The following LIPF variants were observed in gnomAD, a reference collection of about 807,000 sequenced individuals.
LIPF encodes lipase F, gastric type, also known as gastric triacylglycerol lipase.
A neutral mutation model predicts 38.0 loss-of-function variants in LIPF; 25 were observed. The ratio of observed to expected loss-of-function variants is 0.66; its 90% CI spans 0.48 to 0.92. The LOEUF (loss-of-function observed/expected upper bound fraction) is 0.92, where lower values mean the gene tolerates loss of function less well. LIPF is among the 40% of genes least tolerant of loss of function. The probability of loss-of-function intolerance (pLI) is 0.00; values close to 1 mark genes in which losing one functional copy is unlikely to be tolerated. For synonymous variants in LIPF, 161 were observed against 156.2 expected (o/e 1.03, Z -0.23); for missense variants, 410 against 469.9 (o/e 0.87, Z 1.18).
At chr10:88,665,111 T>A (rs976188392) in intron 1 of LIPF, among the ~76,000 whole-genome samples, 11 of 152,192 alleles carry the variant, frequency 7.2e-5, no homozygotes, top group Non-Finnish European at 1.5e-4. Flanking sequence ...TAGACTAGTT[T>A]AAAATATGGG....
Position 88,671,918 on chromosome 10 carries a change from A to G in LIPF, c.622A>G (p.Lys208Glu). 1 of 1,613,504 alleles carries G rather than the reference A, an allele frequency of 6.2e-7. No homozygotes were observed. Among genetic ancestry groups the G allele is most frequent in the Non-Finnish European group, 8.5e-7 (1 of 1,179,634 alleles). ...LAPVATVKYT[K>E]SLINKLRFVP... Reference sequence around the variant, plus strand: ...TCCTGTTGCCACTGTGAAGTATACAAAAAGCCTTATAAACAAACTTAGATT... The same window carrying G: ...TCCTGTTGCCACTGTGAAGTATACAGAAAGCCTTATAAACAAACTTAGATT... The change falls in exon 6 of 10, where the codon AAA becomes GAA. Residue 208 changes from lysine (K) to glutamate (E), a missense_variant. Lys to Glu is a moderately conservative substitution (Grantham distance 56). Transcript: ENST00000238983.
At chr10:88,670,873 G>A (rs1841585929) in intron 5 of LIPF, among the ~76,000 whole-genome samples, 1 of 152,164 alleles carries the variant, frequency 6.6e-6, no homozygotes, top group Non-Finnish European at 1.5e-5. Flanking sequence ...GAACCAATTA[G>A]AGGACTCTTA....
At chr10:88,675,488 C>T (rs774266279) in intron 7 of LIPF, 98 bp from the exon 8 acceptor site, 6 of 904,528 alleles carry the variant, frequency 6.6e-6, no homozygotes, top group African/African-American at 1.7e-5. Flanking sequence ...TACCTTTAAA[C>T]ACTTGACCTG....
chr10:88,669,544 C>T (rs182420730), intron 4 of LIPF: 1 of 238,378 alleles, frequency 4.2e-6, no homozygotes, highest in Non-Finnish European at 8.2e-6. Flanking sequence ...ACACAGCATA[C>T]ACATTATTAT....
In LIPF at chr10:88,671,844, C is replaced by T. The variant is rs763307316; in HGVS notation, c.548C>T (p.Ser183Phe). The T allele has an allele frequency of 3.7e-6, 6 of 1,611,724 alleles. No individual in the cohort carries two copies. Among genetic ancestry groups the T allele is most frequent in the Non-Finnish European group, 4.2e-6 (5 of 1,179,152 alleles). Residue 183 changes from serine (S) to phenylalanine (F), a missense_variant, in exon 6 of 10, where the codon TCC becomes TTC. Physicochemically the swap from Ser to Phe is radical, Grantham distance 155. Transcript: ENST00000238983. ...TCTTTTTCAGGTTTTATTGCCTTTT[C>T]CACCAATCCCAGCCTGGCTAAAAGA... ...QGTTIGFIAF[S>F]TNPSLAKRIK...
intron 6 of LIPF, among the ~76,000 whole-genome samples, chr10:88,672,666 A>ACTCTCTCTCTCT (rs1345269877): frequency 8.2e-6 from 1 of 121,878 alleles, no homozygotes; most frequent in Non-Finnish European, 1.7e-5. Flanking sequence ...ACACACACAC[A>ACTCTCTCTCTCT]CACACTCTCT....
chr10:88,669,401 C>T (rs1841561450), intron 4 of LIPF: 1 of 160,120 alleles, frequency 6.2e-6, no homozygotes, highest in Non-Finnish European at 1.4e-5. Flanking sequence ...GAGCCTTGGG[C>T]CTCATTCTGA....
intron 5 of LIPF, among the ~76,000 whole-genome samples, chr10:88,671,511 T>C (rs1841596012): frequency 6.6e-6 from 1 of 152,292 alleles, no homozygotes; most frequent in Admixed American, 6.5e-5. Flanking sequence ...ATAAAAAATA[T>C]AAATTCATAA....
chr10:88,669,042 A>T, intron 4 of LIPF: 1 of 331,368 alleles, frequency 3.0e-6, no homozygotes, highest in Non-Finnish European at 5.6e-6. Context: ...CCCCTGGAAA[A>T]TTCCAAAGGA....
At chr10:88,677,111 T>C (rs1841700936) in intron 9 of LIPF, among the ~76,000 whole-genome samples, 1 of 152,228 alleles carries the variant, frequency 6.6e-6, no homozygotes, top group Non-Finnish European at 1.5e-5. Flanking sequence ...TTTCCATGAC[T>C]TAAAATTTAG....
chr10:88,668,408 TCAC>T, intron 3 of LIPF, 147 bp from the exon 4 acceptor site: 4 of 695,712 alleles, frequency 5.7e-6, no homozygotes, highest in Non-Finnish European at 9.4e-6. Flanking sequence ...TGAGAAATCA[TCAC>T]CACAATTACG....
At chr10:88,674,315 C>T (rs1330404187) in intron 7 of LIPF, among the ~76,000 whole-genome samples, 1 of 152,108 alleles carries the variant, frequency 6.6e-6, no homozygotes, top group Non-Finnish European at 1.5e-5. Flanking sequence ...ACTACAGGCG[C>T]CCGCCACCAC....
intron 1 of LIPF, chr10:88,665,466 G>A: frequency 8.9e-7 from 1 of 1,127,468 alleles, no homozygotes; most frequent in Non-Finnish European, 1.3e-6. Context: ...GTTAATTACT[G>A]GTATTTTCCT....
At chr10:88,672,625 AACACAC>A (rs71471111) in intron 6 of LIPF, among the ~76,000 whole-genome samples, 350 of 130,954 alleles carry the variant, frequency 2.7e-3, no homozygotes, top group Non-Finnish European at 3.3e-3. Context: ...CAGTAAAACC[AACACAC>A]ACACACACAC....
intron 7 of LIPF, 60 bp from the exon 8 acceptor site, chr10:88,675,526 T>G: frequency 8.0e-7 from 1 of 1,255,118 alleles, no homozygotes; most frequent in South Asian, 1.2e-5. Context: ...CTTTACTGTT[T>G]TTAAGAAACT....
intron 8 of LIPF, among the ~76,000 whole-genome samples, chr10:88,675,926 G>A (rs532847011): frequency 8.1e-4 from 123 of 152,154 alleles, no homozygotes; most frequent in Middle Eastern, 3.4e-3. Flanking sequence ...TTGGTGTGCT[G>A]CACCCACTAA....
Position 88,669,923 on chromosome 10 carries a change from G to T in LIPF, c.509G>T (p.Gly170Val). 6.2e-7 allele frequency: 1 copy of T among 1,612,236 alleles called. No individual in the cohort carries two copies. Among genetic ancestry groups the T allele is most frequent in the Non-Finnish European group, 8.5e-7 (1 of 1,178,570 alleles). Residue 170 changes from glycine to valine, a missense_variant, in exon 5 of 10, where the codon GGC becomes GTC. Coordinates refer to ENST00000238983, the MANE Select transcript of LIPF (RefSeq NM_004190.4). ...GGACAGAAGCAGCTACACTATGTTG[G>T]CCATTCCCAGGGCACCACCATTGGT... ...KTGQKQLHYVGHSQGTTIGFI... is the reference protein window; with the variant it reads ...KTGQKQLHYVVHSQGTTIGFI...
rs1298878487 is a variant in LIPF, at chr10:88,666,078, ACT to A, written c.-11-1208_-11-1207del. 4.6e-5 allele frequency among the ~76,000 whole-genome samples: 7 copies of A among 152,286 alleles called. No individual in the cohort carries two copies. In the East Asian group the frequency reaches 1.4e-3, roughly 29 times the overall value. On this transcript the variant is annotated intron_variant, in intron 1 of 9. Transcript: ENST00000238983. ...GAGATACCCTTAAATCTAATCCTAT[ACT>A]AAACCAGTGGGCAAACTATTAGACC...
intron 9 of LIPF, among the ~76,000 whole-genome samples, chr10:88,677,223 T>C (rs1040563469): frequency 1.3e-5 from 2 of 152,226 alleles, no homozygotes; most frequent in African/African-American, 2.4e-5. Context: ...CAGAATAGCA[T>C]GAGATCAAAC....
Sources: gnomAD v4.1 joint callset for allele counts (sites outside exome capture counted in the v4.1 genomes callset) on GRCh38, gnomAD v4.1.1 for gene constraint, MANE v1.5 for transcripts, NCBI Gene and HGNC (gene_info 2026-07-23, HGNC 2026-07-21) for gene names.